CNIH3: variants seen among roughly 807,000 people sequenced by gnomAD.
CNIH3 encodes protein cornichon homolog 3.
Under a neutral mutation model 24.1 loss-of-function variants are expected in CNIH3, and 14 were observed. That is an observed-to-expected ratio of 0.58 (90% confidence interval 0.38 to 0.91). The LOEUF is 0.91. Among genes scored for constraint, CNIH3 ranks in the 40% least tolerant of loss-of-function variants. The pLI is 0.00. For missense variants in CNIH3, 178 were observed against 196.8 expected (o/e 0.90, Z 0.57); for synonymous variants, 68 against 73.8 (o/e 0.92, Z 0.40).
At chr1:224,528,680 C>T (rs995061779) in intron 2 of CNIH3, among the ~76,000 whole-genome samples, 1 of 152,022 alleles carries the variant, frequency 6.6e-6, no homozygotes, top group East Asian at 1.9e-4. Context: ...TTTGGGTTTT[C>T]TTCCTTTGTA....
chr1:224,457,559 C>T (rs920068072), intron 1 of CNIH3, among the ~76,000 whole-genome samples: 24 of 149,386 alleles, frequency 1.6e-4, no homozygotes, highest in Non-Finnish European at 3.3e-4. Flanking sequence ...TCCTCCCTCC[C>T]TGCAACACTA....
chr1:224,537,954 A>ATT (rs1192933647), downstream of CNIH3, among the ~76,000 whole-genome samples: 3 of 150,380 alleles, frequency 2.0e-5, no homozygotes, highest in South Asian at 6.4e-4. Context: ...CATTATTATT[A>ATT]TTATTTTTTT....
intron 3 of CNIH3, among the ~76,000 whole-genome samples, chr1:224,598,066 A>G (rs1682061032): frequency 6.6e-6 from 1 of 152,252 alleles, no homozygotes. Context: ...AGTTTTTGCC[A>G]TGCAGAAACT....
intron 1 of CNIH3, among the ~76,000 whole-genome samples, chr1:224,474,110 A>C (rs1402408371): frequency 2.6e-5 from 4 of 152,222 alleles, no homozygotes; most frequent in Non-Finnish European, 5.9e-5. Flanking sequence ...CATGCCTGTA[A>C]TCCCAGAACT....
At chr1:224,555,833 A>G (rs1451209832) in intron 3 of CNIH3, among the ~76,000 whole-genome samples, 1 of 151,994 alleles carries the variant, frequency 6.6e-6, no homozygotes, top group Non-Finnish European at 1.5e-5. Flanking sequence ...TAGGTTCCGC[A>G]CTGCGGCTGT....
At chr1:224,629,974 T>G (rs1304267597) in intron 1 of CNIH3, among the ~76,000 whole-genome samples, 2 of 152,192 alleles carry the variant, frequency 1.3e-5, no homozygotes, top group Non-Finnish European at 2.9e-5. Context: ...TGTGAGAAGT[T>G]ATAAATGGTC....
intron 3 of CNIH3, among the ~76,000 whole-genome samples, chr1:224,597,570 G>A (rs114897210): frequency 0.036 from 5,526 of 152,252 alleles, 317 homozygotes; most frequent in African/African-American, 0.13. Flanking sequence ...TGGGGTCGGA[G>A]GGTACAGAAA....
chr1:224,677,396 C>G (rs1367140153), intron 1 of CNIH3, among the ~76,000 whole-genome samples: 2 of 152,146 alleles, frequency 1.3e-5, no homozygotes, highest in Non-Finnish European at 2.9e-5. Flanking sequence ...AGTGGTTAGC[C>G]CATTGCCTGT....
chr1:224,479,540 C>T (rs1369507942), intron 1 of CNIH3, among the ~76,000 whole-genome samples: 1 of 152,218 alleles, frequency 6.6e-6, no homozygotes, highest in African/African-American at 2.4e-5. Context: ...TCCCTTCCAC[C>T]TATGAGCCTG....
chr1:224,453,153 A>G (rs1027656928), intron 1 of CNIH3, among the ~76,000 whole-genome samples: 9 of 151,470 alleles, frequency 5.9e-5, no homozygotes, highest in Non-Finnish European at 1.5e-5. Flanking sequence ...ATACACATAT[A>G]ATATATATAT....
intron 3 of CNIH3, among the ~76,000 whole-genome samples, chr1:224,561,256 A>T (rs1169863352): frequency 6.6e-6 from 1 of 152,174 alleles, no homozygotes; most frequent in Non-Finnish European, 1.5e-5. Flanking sequence ...AATGTATTCT[A>T]GTGCATCTCT....
At chr1:224,717,286 T>A (rs1053766733) in intron 3 of CNIH3, among the ~76,000 whole-genome samples, 6 of 152,200 alleles carry the variant, frequency 3.9e-5, no homozygotes, top group Non-Finnish European at 7.4e-5. Flanking sequence ...GATCTGCAGA[T>A]GGCCACCTTC....
chr1:224,731,909 GAA>G (rs1469045597), intron 4 of CNIH3, among the ~76,000 whole-genome samples: 1 of 152,214 alleles, frequency 6.6e-6, no homozygotes, highest in Non-Finnish European at 1.5e-5. Flanking sequence ...AGGGAAATAA[GAA>G]GAGACAGGGT....
chr1:224,703,226 C>T lies in CNIH3; in HGVS notation c.198+18383C>T, dbSNP rs867923765. On this transcript the variant is annotated intron_variant, in intron 3 of 5. Transcript: ENST00000272133. This position sits in a 1 kb window ranked among gnomAD's most constrained non-coding sequence, Gnocchi z 4.2. ...AGTGACCTAGTGTCTGTGCATCCCA[C>T]GTGGGCCTGCACTCATGAGGGCAGA... 3.9e-5 allele frequency among the ~76,000 whole-genome samples: 6 copies of T among 152,246 alleles called. No individual in the cohort carries two copies. Among genetic ancestry groups the T allele is most frequent in the Middle Eastern group, 6.8e-3 (2 of 294 alleles).
intron 2 of CNIH3, among the ~76,000 whole-genome samples, chr1:224,683,930 G>A (rs1686523238): frequency 6.6e-6 from 1 of 152,182 alleles, no homozygotes; most frequent in Non-Finnish European, 1.5e-5. Flanking sequence ...CTTCCTCTGG[G>A]CTTACAGGAT....
At chr1:224,563,302 T>A (rs1187746475) in intron 3 of CNIH3, among the ~76,000 whole-genome samples, 1 of 152,012 alleles carries the variant, frequency 6.6e-6, no homozygotes, top group Non-Finnish European at 1.5e-5. Flanking sequence ...CTCACAAGGG[T>A]GTGAAGTGTT....
chr1:224,461,517 T>C (rs1169795671), intron 1 of CNIH3, among the ~76,000 whole-genome samples: 1 of 152,224 alleles, frequency 6.6e-6, no homozygotes, highest in African/African-American at 2.4e-5. Flanking sequence ...CTAAAAGGAA[T>C]TTATTGAACC....
intron 3 of CNIH3, among the ~76,000 whole-genome samples, chr1:224,558,231 C>T (rs981182416): frequency 6.6e-6 from 1 of 152,154 alleles, no homozygotes. Flanking sequence ...CCTCTCTTTT[C>T]ATGTGTTCTT....
chr1:224,519,673 G>A (rs1678544305), intron 1 of CNIH3, among the ~76,000 whole-genome samples: 1 of 149,454 alleles, frequency 6.7e-6, no homozygotes, highest in Non-Finnish European at 1.5e-5. Context: ...AGAAGTGGCA[G>A]GAAATATGTA....
Sources: allele counts gnomAD v4.1 joint callset (sites outside exome capture counted in the v4.1 genomes callset), GRCh38; gene constraint gnomAD v4.1.1; non-coding constraint Gnocchi (gnomAD v3.1); transcripts MANE v1.5; gene names NCBI Gene and HGNC (gene_info 2026-07-23, HGNC 2026-07-21).